Variants in NCOR2 observed in about 807,000 individuals in gnomAD.
NCOR2 encodes the protein CTG repeat protein 26.
NCOR2 carries 81 observed loss-of-function variants against 262.9 expected under a neutral mutation model. The observed-to-expected ratio is 0.31, with a 90% CI of 0.26 to 0.37. The LOEUF is 0.37. Ranked by LOEUF, NCOR2 falls within the 10% of genes least tolerant of loss-of-function variation. The probability of loss-of-function intolerance (pLI) is 1.00; values close to 1 mark genes in which losing one functional copy is unlikely to be tolerated. For synonymous variants in NCOR2, 1,659 were observed against 1,559.3 expected (o/e 1.06, Z -1.51); for missense variants, 3,385 against 3,621.4 (o/e 0.93, Z 1.68).
In NCOR2 at chr12:124,369,706, C is replaced by T. The variant is rs115411544; in HGVS notation, c.2807+2316G>A. ...GGGGCCTGGGCCTAGTCGCACAGGG[C>T]GGGACAAACCAGGTGTCCTGACTCC... On this transcript the variant is annotated intron_variant, in intron 20 of 46. Coordinates refer to ENST00000405201, the Ensembl canonical transcript of NCOR2. 6.0e-3 allele frequency among the ~76,000 whole-genome samples: 916 copies of T among 152,268 alleles called. 10 individuals are homozygous for T. Among genetic ancestry groups the T allele is most frequent in the African/African-American group, 0.021 (869 of 41,572 alleles).
chr12:124,519,567 C>A (rs925017026), intron 1 of NCOR2, among the ~76,000 whole-genome samples: 1 of 152,030 alleles, frequency 6.6e-6, no homozygotes, highest in African/African-American at 2.4e-5. Flanking sequence ...AGGGGCGAGG[C>A]GGGGAGAGTT....
At chr12:124,400,357 A>G in intron 15 of NCOR2, 144 bp downstream of exon 17, 1 of 939,448 alleles carries the variant, frequency 1.1e-6, no homozygotes, top group Non-Finnish European at 1.6e-6. Flanking sequence ...TCCAGTAGGT[A>G]GCGCTGGGAT....
chr12:124,477,893 A>C (rs1035474871), intron 3 of NCOR2, among the ~76,000 whole-genome samples: 1 of 152,224 alleles, frequency 6.6e-6, no homozygotes, highest in Non-Finnish European at 1.5e-5. Flanking sequence ...TGAAAGAGAA[A>C]AGTTTATTAT....
chr12:124,360,620 C>T (rs1232283823), intron 22 of NCOR2, among the ~76,000 whole-genome samples: 1 of 152,184 alleles, frequency 6.6e-6, no homozygotes, highest in Non-Finnish European at 1.5e-5. Context: ...CTGAGAGGCC[C>T]CACACAATCC....
chr12:124,436,943 G>A (rs892313307), intron 8 of NCOR2, among the ~76,000 whole-genome samples: 4 of 151,930 alleles, frequency 2.6e-5, no homozygotes, highest in Admixed American at 6.6e-5. Context: ...AAAATTAGCC[G>A]GGCTTGGTGG....
chr12:124,363,574 G>T, intron 21 of NCOR2, 105 bp downstream of exon 23: 1 of 1,067,748 alleles, frequency 9.4e-7, no homozygotes, highest in Non-Finnish European at 1.2e-6. Flanking sequence ...AAGCGGATGA[G>T]CTAGGCTGCA....
intron 17 of NCOR2, among the ~76,000 whole-genome samples, chr12:124,385,379 C>G (rs1214807319): frequency 6.6e-6 from 1 of 152,208 alleles, no homozygotes; most frequent in Non-Finnish European, 1.5e-5. Flanking sequence ...GGTCCTCATT[C>G]CAACGCGCTG....
chr12:124,350,815 C>T, intron 27 of NCOR2, 78 bp from the exon 30 acceptor site: 1 of 1,488,352 alleles, frequency 6.7e-7, no homozygotes, highest in Non-Finnish European at 9.0e-7. Context: ...CAAAGACGTG[C>T]TTAAAAGCCC....
chr12:124,501,414 C>T (rs2048727682), intron 1 of NCOR2, among the ~76,000 whole-genome samples: 1 of 152,122 alleles, frequency 6.6e-6, no homozygotes, highest in Non-Finnish European at 1.5e-5. Flanking sequence ...CTTCAAGCAA[C>T]AGAAATGGAT....
intron 41 of NCOR2, among the ~76,000 whole-genome samples, chr12:124,333,952 ACG>A (rs1491341399): frequency 1.7e-5 from 2 of 120,424 alleles, no homozygotes; most frequent in African/African-American, 3.4e-5. Context: ...GTGGGTGTGC[ACG>A]TGTGTGTGTG....
intron 3 of NCOR2, among the ~76,000 whole-genome samples, chr12:124,480,863 G>C (rs1311228717): frequency 2.0e-5 from 3 of 147,346 alleles, no homozygotes; most frequent in Non-Finnish European, 3.0e-5. Context: ...GCAAGGGAAT[G>C]GGGGAGGTGA....
chr12:124,335,730 G>T (rs1363025691), intron 38 of NCOR2, 98 bp from the exon 41 acceptor site: 12 of 1,388,196 alleles, frequency 8.6e-6, no homozygotes, highest in Non-Finnish European at 1.1e-5. Context: ...CCCCGGGGGG[G>T]TCAAGGGGAA....
In NCOR2 at chr12:124,443,511, A is replaced by AT. The variant is rs909864127; in HGVS notation, c.816-5516dup. On this transcript the variant is annotated intron_variant, in intron 7 of 46. Transcript: ENST00000405201. This position sits in a 1 kb window ranked among gnomAD's most constrained non-coding sequence, Gnocchi z 4.4. Reference sequence around the variant, plus strand: ...TTTATTTATTTATTTTTTATTTTTTATTTTTTTGAGATGGAGTCTCTTGCT... The same window carrying AT: ...TTTATTTATTTATTTTTTATTTTTTATTTTTTTTGAGATGGAGTCTCTTGCT... 2.0e-5 allele frequency among the ~76,000 whole-genome samples: 3 copies of AT among 151,706 alleles called. No individual in the cohort carries two copies. Among genetic ancestry groups the AT allele is most frequent in the Non-Finnish European group, 4.4e-5 (3 of 67,904 alleles).
At chr12:124,428,994 G>C (rs967574580) in intron 10 of NCOR2, among the ~76,000 whole-genome samples, 1 of 152,186 alleles carries the variant, frequency 6.6e-6, no homozygotes, top group Non-Finnish European at 1.5e-5. Flanking sequence ...TCTGCTTCCT[G>C]GCCATCTGTG....
At chr12:124,493,018 C>T (rs1463776579) in intron 1 of NCOR2, among the ~76,000 whole-genome samples, 3 of 152,236 alleles carry the variant, frequency 2.0e-5, no homozygotes, top group South Asian at 2.1e-4. Flanking sequence ...CACCTGTGGC[C>T]GCCAGGCTGG....
exon 28 of NCOR2, chr12:124,350,611 T>C: frequency 6.2e-7 from 1 of 1,613,966 alleles, no homozygotes; most frequent in Non-Finnish European, 8.5e-7. Context: ...ACGTGGCCCT[T>C]CTTGCCTTCG....
chr12:124,494,204 C>T (rs1722345918), intron 1 of NCOR2, among the ~76,000 whole-genome samples: 1 of 151,806 alleles, frequency 6.6e-6, no homozygotes, highest in Admixed American at 6.6e-5. Context: ...GGGGACCACA[C>T]CAGCCAGGCA....
chr12:124,372,565 T>A, exon 20 of NCOR2: 1 of 1,596,420 alleles, frequency 6.3e-7, no homozygotes, highest in Non-Finnish European at 8.5e-7. Context: ...GGCCTCAGTG[T>A]GAGGAGAGGG....
intron 40 of NCOR2, 57 bp downstream of exon 42, chr12:124,335,078 A>G: frequency 6.2e-7 from 1 of 1,611,210 alleles, no homozygotes; most frequent in Non-Finnish European, 8.5e-7. Context: ...TCCCCTCTCC[A>G]GGCCTGGTGC....
Sources: allele counts gnomAD v4.1 joint callset (sites outside exome capture counted in the v4.1 genomes callset), GRCh38; gene constraint gnomAD v4.1.1; non-coding constraint Gnocchi (gnomAD v3.1); transcripts MANE v1.5; gene names NCBI Gene and HGNC (gene_info 2026-07-23, HGNC 2026-07-21).